Variants in GSTCD observed in about 807,000 individuals in gnomAD.
The protein encoded by GSTCD is glutathione S-transferase C-terminal domain containing, also known as glutathione S-transferase C-terminal domain-containing protein.
Under a neutral mutation model 68.3 loss-of-function variants are expected in GSTCD, and 44 were observed. That is an observed-to-expected ratio of 0.64 (90% CI 0.51 to 0.83). The LOEUF is 0.83. Ranked by LOEUF, GSTCD falls within the 40% of genes least tolerant of loss-of-function variation. The pLI is 0.00. For synonymous variants in GSTCD, 273 were observed against 255.2 expected, an observed-to-expected ratio of 1.07 and a Z score of -0.67; for missense variants, 739 against 735.9, an observed-to-expected ratio of 1.00 and a Z score of -0.05.
Position 105,827,585 on chromosome 4 carries a change from T to C in GSTCD, c.1530+1785T>C, listed in dbSNP as rs538956274. 5.3e-5 allele frequency among the ~76,000 whole-genome samples: 8 copies of C among 152,248 alleles called. No individual in the cohort carries two copies. In the South Asian group the frequency reaches 1.7e-3, roughly 32 times the overall value. ...GAGTAATTGAGATATTGTCACTAGGTAAATTAGACTAAATGCATCAGAGGT... is the reference window on the plus strand; with the variant it reads ...GAGTAATTGAGATATTGTCACTAGGCAAATTAGACTAAATGCATCAGAGGT... On this transcript the variant is annotated intron_variant, in intron 8 of 11. Coordinates refer to ENST00000515279, the MANE Select transcript of GSTCD (RefSeq NM_001370181.1).
intron 5 of GSTCD, among the ~76,000 whole-genome samples, chr4:105,793,854 A>G (rs536811367): frequency 6.6e-6 from 1 of 152,196 alleles, no homozygotes; most frequent in South Asian, 2.1e-4. Flanking sequence ...AGGGCTCACT[A>G]AGCAGGGCAT....
chr4:105,732,338 G>T (rs986238651), intron 5 of GSTCD, among the ~76,000 whole-genome samples: 4 of 152,086 alleles, frequency 2.6e-5, no homozygotes, highest in African/African-American at 9.7e-5. Context: ...TTTTTGGTTG[G>T]TAGGCTATTA....
intron 5 of GSTCD, among the ~76,000 whole-genome samples, chr4:105,817,288 G>A (rs1325356608): frequency 2.6e-5 from 4 of 151,834 alleles, no homozygotes; most frequent in Admixed American, 1.3e-4. Flanking sequence ...AGATACTTAT[G>A]AGATCATTAT....
At chr4:105,712,914 GAA>G (rs1316833189) in intron 1 of GSTCD, among the ~76,000 whole-genome samples, 1 of 152,138 alleles carries the variant, frequency 6.6e-6, no homozygotes, top group African/African-American at 2.4e-5. Context: ...AGTTAGAGGA[GAA>G]GATACGGCTG....
rs768925822 is a variant in GSTCD at position 105,786,745 on chromosome 4, A to C, written c.1241-36209A>C. ...ATACTAAGCACATGAATATATGCTC[A>C]ACATCATTAGCTGTTAGGGAAATGC... On this transcript the variant is annotated intron_variant, in intron 5 of 11. Coordinates refer to ENST00000515279, the MANE Select transcript of GSTCD (RefSeq NM_001370181.1). Among the ~76,000 whole-genome samples, 6 of 152,278 alleles carry C rather than the reference A, an allele frequency of 3.9e-5. No individual in the cohort carries two copies. The South Asian group carries it at 6.2e-4, about 16-fold the overall frequency.
At chr4:105,819,599 A>G (rs890655440) in intron 5 of GSTCD, among the ~76,000 whole-genome samples, 1 of 151,802 alleles carries the variant, frequency 6.6e-6, no homozygotes, top group African/African-American at 2.4e-5. Context: ...TGATTGCCCT[A>G]TAAAGCATGA....
intron 5 of GSTCD, among the ~76,000 whole-genome samples, chr4:105,733,494 A>C (rs1451606793): frequency 1.3e-5 from 2 of 152,184 alleles, no homozygotes; most frequent in African/African-American, 4.8e-5. Context: ...GTTTTAACAG[A>C]GACTAGGATT....
intron 5 of GSTCD, among the ~76,000 whole-genome samples, chr4:105,732,156 T>C (rs998856806): frequency 6.6e-6 from 1 of 152,212 alleles, no homozygotes; most frequent in African/African-American, 2.4e-5. Flanking sequence ...AAAATTCTTT[T>C]TTTGTTGTGT....
intron 5 of GSTCD, among the ~76,000 whole-genome samples, chr4:105,813,982 T>A (rs553736066): frequency 2.0e-5 from 3 of 152,112 alleles, no homozygotes; most frequent in Non-Finnish European, 4.4e-5. Context: ...GGGCCAGGCA[T>A]ATAATAAGTG....
intron 5 of GSTCD, among the ~76,000 whole-genome samples, chr4:105,790,130 T>C (rs1735608070): frequency 6.6e-6 from 1 of 152,036 alleles, no homozygotes; most frequent in South Asian, 2.1e-4. Flanking sequence ...AGCAAAGTTG[T>C]AAAGGAGAAC....
At chr4:105,771,879 T>C (rs1734863454) in intron 5 of GSTCD, among the ~76,000 whole-genome samples, 1 of 152,218 alleles carries the variant, frequency 6.6e-6, no homozygotes, top group South Asian at 2.1e-4. Context: ...ATATGAACTT[T>C]AAAGTAGTTT....
chr4:105,785,299 T>C lies in GSTCD; in HGVS notation c.1241-37655T>C, dbSNP rs779219574. Reference sequence around the variant, plus strand: ...AACAGAGTAGCATCTCTTATGAATATAGATGTGAAAACTCTCAGCAAAGTA... The same window carrying C: ...AACAGAGTAGCATCTCTTATGAATACAGATGTGAAAACTCTCAGCAAAGTA... On this transcript the variant is annotated intron_variant, in intron 5 of 11. Coordinates refer to ENST00000515279, the MANE Select transcript of GSTCD (RefSeq NM_001370181.1). 4.5e-4 allele frequency among the ~76,000 whole-genome samples: 69 copies of C among 152,160 alleles called. 1 individual carries two copies. Among genetic ancestry groups the C allele is most frequent in the Middle Eastern group, 3.2e-3 (1 of 316 alleles).
intron 1 of GSTCD, among the ~76,000 whole-genome samples, chr4:105,717,218 C>T (rs887328411): frequency 6.6e-6 from 1 of 152,148 alleles, no homozygotes; most frequent in Admixed American, 6.5e-5. Context: ...ACTGTCAAAA[C>T]TTCTCAAGGA....
intron 1 of GSTCD, among the ~76,000 whole-genome samples, chr4:105,711,404 G>GTT (rs150038037): frequency 6.6e-6 from 1 of 151,916 alleles, no homozygotes; most frequent in Non-Finnish European, 1.5e-5. Flanking sequence ...TAACAAATAT[G>GTT]TTTTTTTTCA....
At chr4:105,734,712 A>T (rs748538507) in intron 5 of GSTCD, among the ~76,000 whole-genome samples, 5 of 152,026 alleles carry the variant, frequency 3.3e-5, no homozygotes, top group African/African-American at 1.2e-4. Flanking sequence ...TCTTTGTTCT[A>T]TTGCTGGGTA....
intron 1 of GSTCD, among the ~76,000 whole-genome samples, chr4:105,709,700 G>T (rs771097835): frequency 1.3e-5 from 2 of 151,922 alleles, no homozygotes; most frequent in Admixed American, 1.3e-4. Context: ...CCCATTCCTT[G>T]TCATAAATTC....
At position 105,732,887 on chromosome 4, in the gene GSTCD, T is replaced by C. The variant is rs181393094; in HGVS notation, c.1240+3388T>C. On this transcript the variant is annotated intron_variant, in intron 5 of 11. Coordinates refer to ENST00000515279, the MANE Select transcript of GSTCD (RefSeq NM_001370181.1). Reference sequence around the variant, plus strand: ...ATGTGTCCCAGAGATTCTGTTATGTTGTGTCTTTGTTCTTATTGGTTTCAA... The same window carrying C: ...ATGTGTCCCAGAGATTCTGTTATGTCGTGTCTTTGTTCTTATTGGTTTCAA... Among the ~76,000 whole-genome samples the C allele has an allele frequency of 3.9e-3, 600 of 152,336 alleles. 7 individuals are homozygous for C. The highest frequency in any genetic ancestry group is 0.014 in the African/African-American group (573 of 41,574).
intron 3 of GSTCD, 22 bp from the exon 4 acceptor site, chr4:105,726,557 G>A (rs1029356581): frequency 6.5e-5 from 96 of 1,466,026 alleles, no homozygotes; most frequent in Non-Finnish European, 8.2e-5. Context: ...ATAATAATGT[G>A]TTTTATTATT....
Position 105,766,887 on chromosome 4 carries a change from C to CTTTTTTTTTTTTTTTTTTT in GSTCD, c.1240+37395_1240+37413dup. 2.9e-3 allele frequency among the ~76,000 whole-genome samples: 167 copies of CTTTTTTTTTTTTTTTTTTT among 57,096 alleles called. 17 individuals carry two copies. The highest frequency in any genetic ancestry group is 0.012 in the African/African-American group (151 of 12,412). The allele number at this position is 57,096 out of a possible 152,430, so 37.5% of individuals were successfully genotyped here. ...CAAAAGCATGAATAGGTTTTTGACT[C>CTTTTTTTTTTTTTTTTTTT]TTTTTTTTTTTTTTTTTTTTTTTTT... On this transcript the variant is annotated intron_variant, in intron 5 of 11. Coordinates refer to ENST00000515279, the MANE Select transcript of GSTCD (RefSeq NM_001370181.1).
Sources: gnomAD v4.1 joint callset for allele counts (sites outside exome capture counted in the v4.1 genomes callset) on GRCh38, gnomAD v4.1.1 for gene constraint, MANE v1.5 for transcripts, NCBI Gene and HGNC (gene_info 2026-07-23, HGNC 2026-07-21) for gene names.